FGD5: variants seen among roughly 807,000 people sequenced by gnomAD.
FGD5 encodes FYVE, RhoGEF and PH domain-containing protein 5.
In FGD5, 28 loss-of-function variants were observed where a neutral mutation model predicts 133.4. The observed-to-expected ratio is 0.21, with a 90% CI of 0.16 to 0.29. The LOEUF is 0.29. Among genes scored for constraint, FGD5 ranks in the 10% least tolerant of loss-of-function variants. FGD5 has a pLI of 1.00. For synonymous variants in FGD5, 810 were observed against 776.5 expected (o/e 1.04, Z -0.72); for missense variants, 1,858 against 1,895.2 (o/e 0.98, Z 0.36).
At chr3:14,908,832 A>T (rs1321417971) in intron 10 of FGD5, among the ~76,000 whole-genome samples, 2 of 151,820 alleles carry the variant, frequency 1.3e-5, no homozygotes, top group East Asian at 3.9e-4. Flanking sequence ...GTGAGCCGAG[A>T]TCGCGCCATT....
Position 14,866,762 on chromosome 3 carries a change from G to A in FGD5, c.2658+2502G>A, listed in dbSNP as rs545447076. Among the ~76,000 whole-genome samples the A allele has an allele frequency of 2.4e-4, 36 of 152,330 alleles. 1 individual carries two copies. Among genetic ancestry groups the A allele is most frequent in the African/African-American group, 7.7e-4 (32 of 41,566 alleles). On this transcript the variant is annotated intron_variant, in intron 2 of 19. Coordinates refer to ENST00000285046, the MANE Select transcript of FGD5 (RefSeq NM_152536.4). ...GGAAGCAATCTGCCCAAGTTCAGCC[G>A]GGACTCAGCAGTGACGCACTGGGGT...
chr3:14,862,372 CA>C (rs2037415824), intron 1 of FGD5, among the ~76,000 whole-genome samples: 1 of 152,128 alleles, frequency 6.6e-6, no homozygotes, highest in Non-Finnish European at 1.5e-5. Context: ...TTTGTGAGAC[CA>C]GTCCATGCAG....
rs2038928151 is a variant in FGD5, at chr3:14,933,224, T to C, written c.*57T>C. 3 of 1,585,712 alleles carry C rather than the reference T, an allele frequency of 1.9e-6. No homozygotes were observed. The highest frequency in any genetic ancestry group is 1.7e-6 in the Non-Finnish European group (2 of 1,161,684). On this transcript the variant is annotated 3_prime_UTR_variant, in exon 20 of 20. Coordinates refer to ENST00000285046, the MANE Select transcript of FGD5 (RefSeq NM_152536.4). ...TCTTAGGTCAATATGTGAATGCTTT[T>C]AGAAGCTAAGCTGTGGCTCAACTCA...
chr3:14,930,388 G>C (rs1312786203), intron 18 of FGD5, among the ~76,000 whole-genome samples: 1 of 152,098 alleles, frequency 6.6e-6, no homozygotes, highest in Non-Finnish European at 1.5e-5. Flanking sequence ...TTGAGGCCAG[G>C]AGTTCAAGTC....
At chr3:14,828,052 G>A (rs1446349749) in intron 1 of FGD5, among the ~76,000 whole-genome samples, 1 of 152,196 alleles carries the variant, frequency 6.6e-6, no homozygotes, top group African/African-American at 2.4e-5. Flanking sequence ...AGACCCAGGA[G>A]AGTGAATGTG....
intron 1 of FGD5, among the ~76,000 whole-genome samples, chr3:14,846,876 G>A (rs1335733711): frequency 1.3e-5 from 2 of 152,244 alleles, no homozygotes; most frequent in African/African-American, 2.4e-5. Flanking sequence ...ACTGTGAAGT[G>A]CTGTGCAGAT....
chr3:14,875,924 C>G (rs1464024549), intron 2 of FGD5, among the ~76,000 whole-genome samples: 1 of 152,126 alleles, frequency 6.6e-6, no homozygotes, highest in Non-Finnish European at 1.5e-5. Context: ...GTGTGCCGAG[C>G]CAGACACAGA....
At chr3:14,832,845 C>T (rs2036742654) in intron 1 of FGD5, among the ~76,000 whole-genome samples, 1 of 152,126 alleles carries the variant, frequency 6.6e-6, no homozygotes, top group African/African-American at 2.4e-5. Context: ...TGCCTGGGTT[C>T]ACATGGCCAG....
chr3:14,890,942 T>A (rs1055224870), intron 4 of FGD5, among the ~76,000 whole-genome samples: 1 of 152,156 alleles, frequency 6.6e-6, no homozygotes, highest in African/African-American at 2.4e-5. Flanking sequence ...ATTTTACAGG[T>A]GAGGAAATTG....
intron 16 of FGD5, 48 bp from the exon 17 acceptor site, chr3:14,923,960 G>C: frequency 6.2e-7 from 1 of 1,610,542 alleles, no homozygotes; most frequent in Non-Finnish European, 8.5e-7. Flanking sequence ...AAGACAAGCC[G>C]CAGGCACGCC....
At chr3:14,928,400 A>G (rs1244656148) in intron 18 of FGD5, among the ~76,000 whole-genome samples, 1 of 152,030 alleles carries the variant, frequency 6.6e-6, no homozygotes, top group African/African-American at 2.4e-5. Context: ...ATTCTTTATT[A>G]TATTTATTGT....
chr3:14,898,477 A>G (rs940178914), intron 6 of FGD5, among the ~76,000 whole-genome samples: 2 of 152,180 alleles, frequency 1.3e-5, no homozygotes, highest in African/African-American at 4.8e-5. Context: ...CATTGCTAAC[A>G]TTAAGAGCAG....
Position 14,917,277 on chromosome 3 carries a change from C to T in FGD5, c.3434C>T (p.Pro1145Leu), listed in dbSNP as rs758481014. Residue 1145 changes from proline to leucine, a missense_variant, in exon 12 of 20, where the codon CCC becomes CTC. By Grantham distance (98) the Pro-to-Leu change is moderately conservative. This residue lies in a region of FGD5 where 1,824 missense variants were observed against 1,848.9 expected (regional missense o/e 0.99). Transcript: ENST00000285046. The surrounding 1 kb of genome is among the most constrained non-coding windows in gnomAD (Gnocchi z 4.1). ...LMNDVLLYTY[P>L]QKDGKYRLKN... ...AACGATGTGCTCCTGTACACCTATC[C>T]CCAGAAGGATGGGAAGTACCGGCTG... 4 of 1,613,732 alleles carry T rather than the reference C, an allele frequency of 2.5e-6. No individual in the cohort carries two copies. The Middle Eastern group carries it at 4.9e-4, about 200-fold the overall frequency.
At chr3:14,872,262 T>C (rs546853445) in intron 2 of FGD5, among the ~76,000 whole-genome samples, 1 of 105,778 alleles carries the variant, frequency 9.5e-6, no homozygotes, top group Non-Finnish European at 1.9e-5. Context: ...CTGAATGTTG[T>C]ACTCTGAATG....
At position 14,819,965 on chromosome 3, in the gene FGD5, C is replaced by T. The variant is rs764446190; in HGVS notation, c.894C>T (p.Asp298=). ...AGGTTGACCTCAGTGAACCACCTGACCACGAGAAGAAAACCAACCAAGAAG... is the reference window on the plus strand; with the variant it reads ...AGGTTGACCTCAGTGAACCACCTGATCACGAGAAGAAAACCAACCAAGAAG... The part of the protein sequence containing the change: ...GEQVDLSEPP[D]HEKKTNQEVA... Residue 298 remains aspartate (D), a synonymous_variant, in exon 1 of 20, where the codon GAC becomes GAT. Transcript: ENST00000285046. The surrounding 1 kb of genome is among the most constrained non-coding windows in gnomAD (Gnocchi z 4.1). The T allele has an allele frequency of 1.2e-6, 2 of 1,613,928 alleles. No individual in the cohort carries two copies. The highest frequency in any genetic ancestry group is 1.6e-4 in the Middle Eastern group (1 of 6,062).
At chr3:14,904,065 C>G (rs750753386) in intron 9 of FGD5, among the ~76,000 whole-genome samples, 4 of 152,196 alleles carry the variant, frequency 2.6e-5, no homozygotes, top group Non-Finnish European at 5.9e-5. Flanking sequence ...TTCATCCCAT[C>G]ATATGAAGGG....
At chr3:14,903,735 G>A (rs1180913439) in intron 9 of FGD5, among the ~76,000 whole-genome samples, 1 of 152,090 alleles carries the variant, frequency 6.6e-6, no homozygotes, top group Admixed American at 6.6e-5. Context: ...TATGCTACAT[G>A]TGTTACATTA....
At chr3:14,927,874 C>G (rs1481795087) in intron 18 of FGD5, among the ~76,000 whole-genome samples, 2 of 152,246 alleles carry the variant, frequency 1.3e-5, no homozygotes, top group Admixed American at 6.5e-5. Context: ...AGCCATCCCC[C>G]CCAGCTCAGC....
chr3:14,821,664 G>A lies in FGD5; in HGVS notation c.2525+68G>A, dbSNP rs2036506649. ...TGTCCAGGAGGCAGCGTGGGTGTGG[G>A]GGACAGATGGACTTGCTTTCCAGCC... On this transcript the variant is annotated intron_variant, in intron 1 of 19. Coordinates refer to ENST00000285046, the MANE Select transcript of FGD5 (RefSeq NM_152536.4). The A allele has an allele frequency of 1.1e-5, 16 of 1,450,348 alleles. No individual in the cohort carries two copies. In the South Asian group the frequency reaches 1.9e-4, roughly 17 times the overall value. The allele number at this position is 1,450,348 out of a possible 1,614,324, so 89.8% of individuals were successfully genotyped here.
Sources: allele counts gnomAD v4.1 joint callset (sites outside exome capture counted in the v4.1 genomes callset), GRCh38; gene constraint gnomAD v4.1.1; regional missense constraint gnomAD v4.1.1; non-coding constraint Gnocchi (gnomAD v3.1); transcripts MANE v1.5; gene names NCBI Gene and HGNC (gene_info 2026-07-23, HGNC 2026-07-21).